CNTNAP2: variants seen among roughly 807,000 people sequenced by gnomAD.
CNTNAP2 encodes contactin-associated protein-like 2.
A neutral mutation model predicts 155.2 loss-of-function variants in CNTNAP2; 98 were observed. The ratio of observed to expected loss-of-function variants is 0.63; its 90% CI spans 0.54 to 0.75. CNTNAP2 has a LOEUF of 0.75. Ranked by LOEUF, CNTNAP2 falls within the 30% of genes least tolerant of loss-of-function variation. The pLI is 0.00. For synonymous variants in CNTNAP2, 651 were observed against 631.2 expected (o/e 1.03, Z -0.47); for missense variants, 1,727 against 1,688.1 (o/e 1.02, Z -0.40).
chr7:147,936,364 T>G (rs1800607784), intron 14 of CNTNAP2, among the ~76,000 whole-genome samples: 1 of 151,328 alleles, frequency 6.6e-6, no homozygotes, highest in Non-Finnish European at 1.5e-5. Flanking sequence ...CAAGAGTGAG[T>G]GAATATTGCT....
chr7:146,941,413 G>T (rs1266865988), intron 3 of CNTNAP2, among the ~76,000 whole-genome samples: 3 of 152,140 alleles, frequency 2.0e-5, no homozygotes, highest in African/African-American at 7.2e-5. Context: ...AATTTTGGAT[G>T]TCACAACTTT....
rs912014814 is a variant in CNTNAP2, at chr7:147,141,060, A to G, written c.1348+8551A>G. The stretch of plus-strand genomic sequence containing the variant: ...CTGTGCTAAAGCCTTTGCATTAATT[A>G]TCTTGCTATGGCTCCAATAACCTCG... On this transcript the variant is annotated intron_variant, in intron 8 of 23. Transcript: ENST00000361727. Among the ~76,000 whole-genome samples the G allele has an allele frequency of 3.3e-5, 5 of 152,308 alleles. 1 individual carries two copies. Among genetic ancestry groups the G allele is most frequent in the African/African-American group, 1.2e-4 (5 of 41,576 alleles).
At chr7:147,123,167 T>C (rs1801155914) in intron 6 of CNTNAP2, among the ~76,000 whole-genome samples, 1 of 152,182 alleles carries the variant, frequency 6.6e-6, no homozygotes, top group Non-Finnish European at 1.5e-5. Context: ...AGAAAATGTA[T>C]GTGAACATCC....
intron 13 of CNTNAP2, among the ~76,000 whole-genome samples, chr7:147,794,065 A>G (rs933107686): frequency 1.3e-5 from 2 of 151,934 alleles, no homozygotes; most frequent in Non-Finnish European, 2.9e-5. Flanking sequence ...TGGATTCCTT[A>G]TGATGTTTTA....
intron 13 of CNTNAP2, among the ~76,000 whole-genome samples, chr7:147,716,209 T>C (rs1168600679): frequency 6.6e-6 from 1 of 152,174 alleles, no homozygotes; most frequent in Admixed American, 6.6e-5. Flanking sequence ...CCTTGTTTTC[T>C]GGGGTAATAC....
At chr7:147,998,967 TAAAAC>T (rs774531081) in intron 15 of CNTNAP2, among the ~76,000 whole-genome samples, 8 of 152,120 alleles carry the variant, frequency 5.3e-5, no homozygotes, top group African/African-American at 1.7e-4. Context: ...TTTAAACAAA[TAAAAC>T]AAACATTGCC....
At chr7:146,799,715 T>G (rs1802839769) in intron 2 of CNTNAP2, among the ~76,000 whole-genome samples, 1 of 152,208 alleles carries the variant, frequency 6.6e-6, no homozygotes, top group Non-Finnish European at 1.5e-5. Context: ...GAGTGAGATT[T>G]TAGCCTAATA....
intron 1 of CNTNAP2, among the ~76,000 whole-genome samples, chr7:146,695,926 C>T (rs1242353392): frequency 1.3e-5 from 2 of 152,026 alleles, no homozygotes; most frequent in Admixed American, 6.6e-5. Context: ...TCTTTTTATA[C>T]ATTGGATTTG....
intron 6 of CNTNAP2, among the ~76,000 whole-genome samples, chr7:147,125,172 AC>A (rs1801207880): frequency 6.6e-6 from 1 of 151,010 alleles, no homozygotes; most frequent in African/African-American, 2.4e-5. Context: ...AAGCCACCCC[AC>A]CCAGCCCTAA....
chr7:147,341,032 T>C (rs1255229507), intron 9 of CNTNAP2, among the ~76,000 whole-genome samples: 1 of 151,752 alleles, frequency 6.6e-6, no homozygotes, highest in Non-Finnish European at 1.5e-5. Context: ...TACTTGAGAC[T>C]AGTTATAGAC....
At chr7:147,031,262 A>T (rs1311652667) in intron 3 of CNTNAP2, among the ~76,000 whole-genome samples, 2 of 152,160 alleles carry the variant, frequency 1.3e-5, no homozygotes, top group Non-Finnish European at 2.9e-5. Flanking sequence ...GAAAAATAAT[A>T]TATTTGAGTA....
intron 21 of CNTNAP2, among the ~76,000 whole-genome samples, chr7:148,359,595 G>C (rs568186980): frequency 1.1e-3 from 160 of 152,300 alleles, no homozygotes; most frequent in African/African-American, 3.6e-3. Flanking sequence ...CAGAGTCTCT[G>C]CAAGCTTCCT....
At chr7:147,968,403 T>C (rs964654564) in intron 14 of CNTNAP2, among the ~76,000 whole-genome samples, 2 of 152,202 alleles carry the variant, frequency 1.3e-5, no homozygotes, top group Admixed American at 6.5e-5. Flanking sequence ...GGTTGTTTTC[T>C]TAATCACTCT....
At chr7:146,176,008 C>G (rs914018934) in intron 1 of CNTNAP2, among the ~76,000 whole-genome samples, 2 of 152,224 alleles carry the variant, frequency 1.3e-5, no homozygotes, top group African/African-American at 4.8e-5. Flanking sequence ...GTGTGTCTCT[C>G]ACTTTCCACA....
chr7:147,858,169 C>A (rs1012989171), intron 13 of CNTNAP2, among the ~76,000 whole-genome samples: 1 of 152,168 alleles, frequency 6.6e-6, no homozygotes, highest in Admixed American at 6.5e-5. Flanking sequence ...CTTACTGCAA[C>A]CTCCACCTCC....
intron 8 of CNTNAP2, among the ~76,000 whole-genome samples, chr7:147,274,870 C>T (rs1341228661): frequency 6.6e-6 from 1 of 151,770 alleles, no homozygotes; most frequent in Non-Finnish European, 1.5e-5. Flanking sequence ...GGTATGAGTC[C>T]AGTTTTTTTA....
intron 8 of CNTNAP2, among the ~76,000 whole-genome samples, chr7:147,254,562 G>A (rs1804278607): frequency 1.3e-5 from 2 of 151,708 alleles, no homozygotes; most frequent in Non-Finnish European, 2.9e-5. Context: ...ATGGAGAAAT[G>A]TGTTAAACTT....
At chr7:147,580,502 C>T (rs1226688646) in intron 12 of CNTNAP2, among the ~76,000 whole-genome samples, 1 of 152,166 alleles carries the variant, frequency 6.6e-6, no homozygotes. Flanking sequence ...TTGGGTTCAG[C>T]ATCTTCACAG....
chr7:146,381,040 C>G (rs374946570), intron 1 of CNTNAP2, among the ~76,000 whole-genome samples: 443 of 151,706 alleles, frequency 2.9e-3, no homozygotes, highest in African/African-American at 9.5e-3. Context: ...CCTCGTGATC[C>G]GCCCGCCTCG....
Sources: gnomAD v4.1 joint callset for allele counts (sites outside exome capture counted in the v4.1 genomes callset) on GRCh38, gnomAD v4.1.1 for gene constraint, MANE v1.5 for transcripts, NCBI Gene and HGNC (gene_info 2026-07-23, HGNC 2026-07-21) for gene names.